Variants in FBXO34 observed in about 807,000 individuals in gnomAD.
The protein encoded by FBXO34 is F-box protein 34.
A neutral mutation model predicts 24.5 loss-of-function variants in FBXO34; 12 were observed. The ratio of observed to expected loss-of-function variants is 0.49; its 90% CI spans 0.31 to 0.79. The LOEUF (loss-of-function observed/expected upper bound fraction) is 0.79, where lower values mean the gene tolerates loss of function less well. Among genes scored for constraint, FBXO34 ranks in the 30% least tolerant of loss-of-function variants. The pLI is 0.04. For synonymous variants in FBXO34, 320 were observed against 311.9 expected, an observed-to-expected ratio of 1.03 and a Z score of -0.27; for missense variants, 823 against 857.7, an observed-to-expected ratio of 0.96 and a Z score of 0.51.
chr14:55,340,381 A>G (rs1196057127), intron 1 of FBXO34, among the ~76,000 whole-genome samples: 1 of 151,112 alleles, frequency 6.6e-6, no homozygotes, highest in Admixed American at 6.6e-5. Context: ...AGGACTACAA[A>G]TACAGGCCAT....
At chr14:55,392,681 G>C in the FBXO34 span, among the ~76,000 whole-genome samples, 1 of 149,868 alleles carries the variant, frequency 6.7e-6, no homozygotes, top group Admixed American at 6.6e-5. Flanking sequence ...GGATCTACTA[G>C]TTAGTTAAAA....
downstream of FBXO34, among the ~76,000 whole-genome samples, chr14:55,372,087 C>T (rs1051453906): frequency 6.6e-6 from 1 of 152,148 alleles, no homozygotes; most frequent in Non-Finnish European, 1.5e-5. Flanking sequence ...TCTCCTAGCG[C>T]CACTCCCAAA....
At chr14:55,338,025 A>G (rs1049289409) in intron 1 of FBXO34, among the ~76,000 whole-genome samples, 2 of 141,476 alleles carry the variant, frequency 1.4e-5, no homozygotes, top group Non-Finnish European at 3.0e-5. Context: ...TCCATCTACA[A>G]TTGGAGATAA....
Position 55,280,969 on chromosome 14 carries a change from GGAAAAA to G in FBXO34, c.-11+9437_-11+9442del, listed in dbSNP as rs147692377. Among the ~76,000 whole-genome samples, 131 of 151,738 alleles carry G rather than the reference GGAAAAA, an allele frequency of 8.6e-4. 4 individuals are homozygous for G. The East Asian group carries it at 0.02, about 24-fold the overall frequency. The stretch of plus-strand genomic sequence containing the variant: ...TTTTCTAGTTAGCCACATTAAAAAA[GGAAAAA>G]GAAACAGGTGAAAAATATTTAAAAA... On this transcript the variant is annotated intron_variant, in intron 1 of 1. Transcript: ENST00000313833.
chr14:55,328,193 A>G (rs1883415283), intron 1 of FBXO34, among the ~76,000 whole-genome samples: 2 of 152,118 alleles, frequency 1.3e-5, no homozygotes, highest in South Asian at 4.2e-4. Flanking sequence ...TCCTGACCTC[A>G]AGTGATCCAC....
In FBXO34 at chr14:55,350,752, C is replaced by T. The variant is rs747742352; in HGVS notation, c.362C>T (p.Ala121Val). The change falls in exon 2 of 2, where the codon GCA becomes GTA. Residue 121 changes from alanine (A) to valine (V), a missense_variant. By Grantham distance (64) the Ala-to-Val change is moderately conservative. Around this residue, in one of 2 missense-constraint regions of FBXO34, gnomAD observed 693 missense variants for 659.1 expected, o/e 1.05. Coordinates refer to ENST00000313833, the MANE Select transcript of FBXO34 (RefSeq NM_017943.4). The part of the protein sequence containing the change: ...VKPGNTKEKI[A>V]FFASHQCSNR... ...CCTGGAAATACCAAGGAAAAAATTG[C>T]ATTCTTTGCATCCCACCAGTGTAGT... is the stretch of plus-strand genomic sequence containing the variant. The T allele has an allele frequency of 1.2e-6, 2 of 1,608,638 alleles. No homozygotes were observed. The highest frequency in any genetic ancestry group is 1.1e-5 in the South Asian group (1 of 90,020).
intron 1 of FBXO34, among the ~76,000 whole-genome samples, chr14:55,324,969 G>A (rs1169841046): frequency 6.6e-6 from 1 of 152,134 alleles, no homozygotes; most frequent in Non-Finnish European, 1.5e-5. Context: ...CCGAAAGGAC[G>A]AGTGAGCTCT....
At chr14:55,406,140 G>A in the FBXO34 span, among the ~76,000 whole-genome samples, 1 of 152,164 alleles carries the variant, frequency 6.6e-6, no homozygotes, top group East Asian at 1.9e-4. Flanking sequence ...TAATTAATGT[G>A]AGATCAATTT....
At position 55,352,548 on chromosome 14, in the gene FBXO34, A is replaced by G. The variant is rs1397564496; in HGVS notation, c.*22A>G. On this transcript the variant is annotated 3_prime_UTR_variant, in exon 2 of 2. Transcript: ENST00000313833. ...CTAAAGTCCATGTGAGAGGCAACAA[A>G]AGGACCGGTTTCTAAAGCTGCAAAA... The G allele has an allele frequency of 6.4e-7, 1 of 1,563,054 alleles. No individual in the cohort carries two copies. The highest frequency in any genetic ancestry group is 8.7e-7 in the Non-Finnish European group (1 of 1,155,988).
At chr14:55,334,565 C>G (rs903838146) in intron 1 of FBXO34, among the ~76,000 whole-genome samples, 4 of 151,888 alleles carry the variant, frequency 2.6e-5, no homozygotes, top group African/African-American at 9.7e-5. Context: ...GTGATCTGGG[C>G]AACGAGGAGC....
At chr14:55,321,310 C>G (rs181565680) in intron 1 of FBXO34, among the ~76,000 whole-genome samples, 75 of 152,276 alleles carry the variant, frequency 4.9e-4, no homozygotes, top group African/African-American at 1.7e-3. Context: ...TCCCACACCC[C>G]CCACCTGCAA....
downstream of FBXO34, among the ~76,000 whole-genome samples, chr14:55,364,944 G>C (rs540109489): frequency 6.6e-6 from 1 of 150,646 alleles, no homozygotes; most frequent in Admixed American, 6.6e-5. Context: ...CTGGCTGGGC[G>C]CAGTGGCTCA....
chr14:55,278,468 A>AT (rs1881418224), intron 1 of FBXO34, among the ~76,000 whole-genome samples: 1 of 152,124 alleles, frequency 6.6e-6, no homozygotes, highest in Non-Finnish European at 1.5e-5. Flanking sequence ...TTGAGGCTTG[A>AT]TTCAGTTATA....
At position 55,294,281 on chromosome 14, in the gene FBXO34, T is replaced by C. The variant is rs77575232; in HGVS notation, c.-11+22744T>C. On this transcript the variant is annotated intron_variant, in intron 1 of 1. Transcript: ENST00000313833. ...TGTTCACTGTATTCCAGGTGCCTAA[T>C]AGATGCTCAAAAAATTATTATTATT... is the stretch of plus-strand genomic sequence containing the variant. Among the ~76,000 whole-genome samples, 324 of 150,682 alleles carry C rather than the reference T, an allele frequency of 2.2e-3. 3 individuals are homozygous for C. Among genetic ancestry groups the C allele is most frequent in the African/African-American group, 7.1e-3 (293 of 41,172 alleles).
chr14:55,431,467 ACTATATGG>A, the FBXO34 span, among the ~76,000 whole-genome samples: 1 of 152,244 alleles, frequency 6.6e-6, no homozygotes. Context: ...CAGTATGTGT[ACTATATGG>A]CTAATACAAT....
chr14:55,338,533 T>A (rs540130904), intron 1 of FBXO34, among the ~76,000 whole-genome samples: 1 of 152,158 alleles, frequency 6.6e-6, no homozygotes, highest in South Asian at 2.1e-4. Flanking sequence ...AGAGCTGTTA[T>A]TATTCTAGAA....
chr14:55,440,485 A>G, the FBXO34 span: 4 of 1,612,696 alleles, frequency 2.5e-6, no homozygotes, highest in Non-Finnish European at 3.4e-6. Context: ...GGGGGCGGGT[A>G]AGAGGGTAAG....
chr14:55,334,527 T>C (rs549169194), intron 1 of FBXO34, among the ~76,000 whole-genome samples: 4 of 124,276 alleles, frequency 3.2e-5, no homozygotes, highest in East Asian at 2.3e-4. Flanking sequence ...TTGGGTAATA[T>C]TGATGGGGTG....
the FBXO34 span, among the ~76,000 whole-genome samples, chr14:55,441,793 CAG>C: frequency 6.6e-6 from 1 of 151,754 alleles, no homozygotes; most frequent in East Asian, 1.9e-4. Flanking sequence ...TTTTTTGAGA[CAG>C]AGTCTGCTCT....
Sources: allele counts gnomAD v4.1 joint callset (sites outside exome capture counted in the v4.1 genomes callset), GRCh38; gene constraint gnomAD v4.1.1; regional missense constraint gnomAD v4.1.1; transcripts MANE v1.5; gene names NCBI Gene and HGNC (gene_info 2026-07-23, HGNC 2026-07-21).